The following CNTNAP2 variants were observed in gnomAD, a reference collection of about 807,000 sequenced individuals.
The protein encoded by CNTNAP2 is contactin associated protein 2, also known as contactin-associated protein-like 2.
CNTNAP2 carries 98 observed loss-of-function variants against 155.2 expected under a neutral mutation model. That is an observed-to-expected ratio of 0.63 (90% CI 0.54 to 0.75). The LOEUF is 0.75. Among genes scored for constraint, CNTNAP2 ranks in the 30% least tolerant of loss-of-function variants. The pLI is 0.00. For synonymous variants in CNTNAP2, 651 were observed against 631.2 expected (o/e 1.03, Z -0.47); for missense variants, 1,727 against 1,688.1 (o/e 1.02, Z -0.40).
intron 13 of CNTNAP2, among the ~76,000 whole-genome samples, chr7:147,897,922 G>A (rs1421095744): frequency 6.6e-6 from 1 of 152,158 alleles, no homozygotes; most frequent in African/African-American, 2.4e-5. Context: ...AGCAAACACA[G>A]CCCCCGCATG....
At chr7:147,307,362 A>T (rs903013119) in intron 9 of CNTNAP2, among the ~76,000 whole-genome samples, 24 of 152,114 alleles carry the variant, frequency 1.6e-4, no homozygotes, top group African/African-American at 5.8e-4. Flanking sequence ...AGGCGGGCAG[A>T]TCACCTGAGG....
At chr7:147,443,046 C>T (rs964242579) in intron 10 of CNTNAP2, among the ~76,000 whole-genome samples, 3 of 152,124 alleles carry the variant, frequency 2.0e-5, no homozygotes, top group African/African-American at 7.2e-5. Flanking sequence ...CCCACCCTCA[C>T]CCCCAGTCAG....
chr7:148,370,424 A>G (rs1016137354), intron 21 of CNTNAP2, among the ~76,000 whole-genome samples: 3 of 152,192 alleles, frequency 2.0e-5, no homozygotes. Flanking sequence ...CTTCTAGCAG[A>G]GTGACCTCAG....
rs564340928 is a variant in CNTNAP2, at chr7:146,210,618, A to C, written c.97+93645A>C. On this transcript the variant is annotated intron_variant, in intron 1 of 23. Coordinates refer to ENST00000361727, the MANE Select transcript of CNTNAP2 (RefSeq NM_014141.6). Reference sequence around the variant, plus strand: ...TGTGCCTGGCCTGAGTATACTGTTAATATAGTTTTCCACCACCGGTTACCA... The same window carrying C: ...TGTGCCTGGCCTGAGTATACTGTTACTATAGTTTTCCACCACCGGTTACCA... 8.5e-5 allele frequency among the ~76,000 whole-genome samples: 13 copies of C among 152,254 alleles called. No homozygotes were observed. The East Asian group carries it at 2.5e-3, about 29-fold the overall frequency.
At chr7:147,865,028 G>A (rs1264779617) in intron 13 of CNTNAP2, among the ~76,000 whole-genome samples, 1 of 152,124 alleles carries the variant, frequency 6.6e-6, no homozygotes, top group South Asian at 2.1e-4. Context: ...AATGCTTCCA[G>A]TTTTTGCCCA....
chr7:147,339,493 C>A (rs1375311769), intron 9 of CNTNAP2, among the ~76,000 whole-genome samples: 2 of 152,168 alleles, frequency 1.3e-5, no homozygotes, highest in East Asian at 1.9e-4. Flanking sequence ...CAGTCTTGAA[C>A]TTTGCAGCCA....
At chr7:146,326,906 T>C (rs1386428264) in intron 1 of CNTNAP2, among the ~76,000 whole-genome samples, 1 of 152,218 alleles carries the variant, frequency 6.6e-6, no homozygotes, top group Non-Finnish European at 1.5e-5. Context: ...TATTTTTATG[T>C]CAATTATGTC....
At chr7:148,096,239 A>G (rs1374865025) in intron 15 of CNTNAP2, among the ~76,000 whole-genome samples, 1 of 151,446 alleles carries the variant, frequency 6.6e-6, no homozygotes, top group Non-Finnish European at 1.5e-5. Context: ...CTCGTTTGTC[A>G]AGATTCTTAA....
chr7:148,113,720 A>T (rs1804404879), intron 15 of CNTNAP2, among the ~76,000 whole-genome samples: 1 of 152,174 alleles, frequency 6.6e-6, no homozygotes, highest in South Asian at 2.1e-4. Flanking sequence ...GCCACACGTG[A>T]TGAGCCCTGG....
At chr7:147,996,860 G>A (rs1247592992) in intron 15 of CNTNAP2, among the ~76,000 whole-genome samples, 1 of 152,148 alleles carries the variant, frequency 6.6e-6, no homozygotes, top group Non-Finnish European at 1.5e-5. Context: ...GCACTGCTAT[G>A]GTCTGTTTTT....
At chr7:147,791,917 C>T (rs1253185547) in intron 13 of CNTNAP2, among the ~76,000 whole-genome samples, 2 of 152,194 alleles carry the variant, frequency 1.3e-5, no homozygotes, top group East Asian at 3.9e-4. Context: ...CCCACTGCTC[C>T]GTGTTGCCTG....
chr7:147,782,554 CG>C (rs775057294), intron 13 of CNTNAP2, among the ~76,000 whole-genome samples: 83 of 152,208 alleles, frequency 5.5e-4, no homozygotes, highest in Middle Eastern at 3.4e-3. Context: ...CCTCACATAG[CG>C]GAAGTGGTAA....
At chr7:146,906,604 A>C (rs1372633485) in intron 3 of CNTNAP2, among the ~76,000 whole-genome samples, 3 of 152,074 alleles carry the variant, frequency 2.0e-5, no homozygotes, top group African/African-American at 7.2e-5. Flanking sequence ...GTCTGTTAGA[A>C]GGAAAACTAA....
chr7:146,789,463 AAG>A (rs1802633004), intron 2 of CNTNAP2, among the ~76,000 whole-genome samples: 1 of 152,148 alleles, frequency 6.6e-6, no homozygotes, highest in Non-Finnish European at 1.5e-5. Flanking sequence ...CTGAAAGTAA[AAG>A]AAGTTATTTT....
At chr7:147,386,251 T>A (rs545607437) in intron 9 of CNTNAP2, among the ~76,000 whole-genome samples, 6 of 152,256 alleles carry the variant, frequency 3.9e-5, no homozygotes, top group South Asian at 2.1e-4. Flanking sequence ...CTGGAGACAT[T>A]TTCCCCATTG....
At chr7:146,321,934 G>A (rs776539653) in intron 1 of CNTNAP2, among the ~76,000 whole-genome samples, 30 of 151,822 alleles carry the variant, frequency 2.0e-4, no homozygotes, top group Non-Finnish European at 4.4e-4. Flanking sequence ...TCTTTCCTTT[G>A]TAATCTAAAC....
chr7:147,786,246 T>C (rs1300054374), intron 13 of CNTNAP2, among the ~76,000 whole-genome samples: 3 of 152,232 alleles, frequency 2.0e-5, no homozygotes, highest in Non-Finnish European at 2.9e-5. Context: ...CACTCCAGCC[T>C]GGGCGACACA....
chr7:147,305,302 T>C (rs1387540123), intron 9 of CNTNAP2, among the ~76,000 whole-genome samples: 1 of 152,198 alleles, frequency 6.6e-6, no homozygotes, highest in Non-Finnish European at 1.5e-5. Context: ...CAAGTAGTTA[T>C]GTTTTAAAAT....
chr7:147,617,456 T>G (rs1407040815), intron 12 of CNTNAP2, among the ~76,000 whole-genome samples: 4 of 152,160 alleles, frequency 2.6e-5, no homozygotes, highest in Non-Finnish European at 5.9e-5. Context: ...TAAATTATAT[T>G]ACCAACTTAT....
Sources: gnomAD v4.1 joint callset for allele counts (sites outside exome capture counted in the v4.1 genomes callset) on GRCh38, gnomAD v4.1.1 for gene constraint, MANE v1.5 for transcripts, NCBI Gene and HGNC (gene_info 2026-07-23, HGNC 2026-07-21) for gene names.